Variants in KPNA4 observed in about 807,000 individuals in gnomAD.
KPNA4 encodes the protein karyopherin subunit alpha 4, also known as importin subunit alpha-3.
A neutral mutation model predicts 71.3 loss-of-function variants in KPNA4; 13 were observed. That is an observed-to-expected ratio of 0.18 (90% CI 0.12 to 0.29). KPNA4 has a LOEUF of 0.29. Ranked by LOEUF, KPNA4 falls within the 10% of genes least tolerant of loss-of-function variation. The probability of loss-of-function intolerance (pLI) is 1.00; values close to 1 mark genes in which losing one functional copy is unlikely to be tolerated. For missense variants in KPNA4, 334 were observed against 603.2 expected, an observed-to-expected ratio of 0.55 and a Z score of 4.67; for synonymous variants, 189 against 195.2, an observed-to-expected ratio of 0.97 and a Z score of 0.26.
At chr3:160,553,832 C>T (rs191066535) in intron 1 of KPNA4, among the ~76,000 whole-genome samples, 134 of 152,288 alleles carry the variant, frequency 8.8e-4, no homozygotes, top group Non-Finnish European at 1.6e-3. Flanking sequence ...GCTTTTCTTC[C>T]TCTTCAAACT....
chr3:160,542,789 TAGG>T (rs1721827442), intron 1 of KPNA4, among the ~76,000 whole-genome samples: 1 of 152,130 alleles, frequency 6.6e-6, no homozygotes, highest in South Asian at 2.1e-4. Context: ...ACATTGAGTG[TAGG>T]AGGTCAGACT....
Position 160,500,281 on chromosome 3 carries a change from A to G in KPNA4, c.*1823T>C, listed in dbSNP as rs1418244555. The G allele has an allele frequency of 3.9e-4, 59 of 152,634 alleles. No homozygotes were observed. The allele number at this position is 152,634 out of a possible 1,614,324, so 9.5% of individuals were successfully genotyped here. A position where few individuals can be genotyped will look rare whatever the true frequency, so the allele number is the denominator to read the frequency against. Reference sequence around the variant, plus strand: ...CTGCTTCTAGTTTTAAACTTTAACCATGTTTCTGATGACAAGGAATGCTGC... The same window carrying G: ...CTGCTTCTAGTTTTAAACTTTAACCGTGTTTCTGATGACAAGGAATGCTGC... On this transcript the variant is annotated 3_prime_UTR_variant, in exon 17 of 17. Coordinates refer to ENST00000334256, the MANE Select transcript of KPNA4 (RefSeq NM_002268.5).
chr3:160,565,117 A>G (rs1190510072), intron 1 of KPNA4, 97 bp downstream of exon 1: 2 of 999,248 alleles, frequency 2.0e-6, no homozygotes, highest in Non-Finnish European at 1.5e-6. Flanking sequence ...CGAGGCCTGG[A>G]GGCGGCTCCC....
In KPNA4 at chr3:160,531,507, G is replaced by C; in HGVS notation, c.338C>G (p.Ser113Cys). Residue 113 changes from serine to cysteine, a missense_variant, in exon 6 of 17, where the codon TCT becomes TGT. By Grantham distance (112) the Ser-to-Cys change is moderately radical. Transcript: ENST00000334256. The part of the protein sequence containing the change: ...RNPPIDDLIK[S>C]GILPILVHCL... The stretch of plus-strand genomic sequence containing the variant: ...ATGGACTAAAATGGGCAATATTCCA[G>C]ATTTTATTAAGTCATCAATTGGTGG... 6.3e-7 allele frequency: 1 copy of C among 1,589,528 alleles called. No individual in the cohort carries two copies.
Position 160,525,396 on chromosome 3 carries a change from T to C in KPNA4, c.771+404A>G, listed in dbSNP as rs548351014. Among the ~76,000 whole-genome samples the C allele has an allele frequency of 2.3e-3, 352 of 152,306 alleles. 2 individuals are homozygous for C. Among genetic ancestry groups the C allele is most frequent in the African/African-American group, 7.8e-3 (325 of 41,572 alleles). The stretch of plus-strand genomic sequence containing the variant: ...CAAAAATAGCACTATTTGTGTGTGC[T>C]TTCATTGGCCAAACTGTCAAAATGA... On this transcript the variant is annotated intron_variant, in intron 10 of 16. Coordinates refer to ENST00000334256, the MANE Select transcript of KPNA4 (RefSeq NM_002268.5).
At chr3:160,530,994 A>G (rs963204323) in intron 6 of KPNA4, 54 bp from the exon 7 acceptor site, 26 of 1,145,036 alleles carry the variant, frequency 2.3e-5, no homozygotes, top group Admixed American at 5.9e-5. Context: ...ATTGGGCCAA[A>G]TATCTAACCA....
intron 11 of KPNA4, among the ~76,000 whole-genome samples, chr3:160,519,033 A>T (rs1189719819): frequency 6.6e-6 from 1 of 152,186 alleles, no homozygotes; most frequent in Non-Finnish European, 1.5e-5. Flanking sequence ...GTTCTTCTTC[A>T]AGATCATTTG....
intron 1 of KPNA4, among the ~76,000 whole-genome samples, chr3:160,552,382 A>G (rs1375614405): frequency 1.3e-5 from 2 of 152,118 alleles, no homozygotes; most frequent in Non-Finnish European, 2.9e-5. Context: ...TAAAAATTCT[A>G]ATTTAGTTAC....
intron 13 of KPNA4, among the ~76,000 whole-genome samples, chr3:160,512,513 T>C (rs540053357): frequency 6.6e-6 from 1 of 152,210 alleles, no homozygotes; most frequent in African/African-American, 2.4e-5. Context: ...ATCAAACATT[T>C]ATCTTGCCTA....
At chr3:160,510,228 C>T (rs1364367044) in intron 13 of KPNA4, among the ~76,000 whole-genome samples, 9 of 152,172 alleles carry the variant, frequency 5.9e-5, no homozygotes, top group African/African-American at 2.2e-4. Flanking sequence ...ACACACAAAG[C>T]TTTTACACAC....
intron 1 of KPNA4, among the ~76,000 whole-genome samples, chr3:160,551,076 T>C (rs1431809426): frequency 6.6e-6 from 1 of 151,872 alleles, no homozygotes. Context: ...CATCAATTCT[T>C]TAAATGTTTG....
intron 16 of KPNA4, among the ~76,000 whole-genome samples, 184 bp downstream of exon 16, chr3:160,504,774 C>T (rs1455388474): frequency 6.6e-6 from 1 of 152,080 alleles, no homozygotes; most frequent in Non-Finnish European, 1.5e-5. Context: ...AGCTAATATG[C>T]CCTGAAGGGA....
At chr3:160,557,264 C>A (rs1262036615) in intron 1 of KPNA4, among the ~76,000 whole-genome samples, 1 of 152,058 alleles carries the variant, frequency 6.6e-6, no homozygotes. Context: ...TTAATACAAC[C>A]AAGCAGAGAC....
Position 160,535,676 on chromosome 3 carries a change from T to C in KPNA4, c.219A>G (p.Leu73=), listed in dbSNP as rs1721675176. 7 of 1,577,408 alleles carry C rather than the reference T, an allele frequency of 4.4e-6. No individual in the cohort carries two copies. Among genetic ancestry groups the C allele is most frequent in the Non-Finnish European group, 6.0e-6 (7 of 1,170,054 alleles). The part of the protein sequence containing the change: ...DGDYRVQNTS[L]EAIVQNASSD... ...TCCAACTTACTTGAACAATAGCTTC[T>C]AGAGAGGTATTTTGCTGGGAAAAAA... The change falls in exon 4 of 17, where the codon CTA becomes CTG. Residue 73 remains leucine (L), a synonymous_variant. Transcript: ENST00000334256.
chr3:160,502,385 T>G (rs1720901868), intron 16 of KPNA4, among the ~76,000 whole-genome samples, 183 bp from the exon 17 acceptor site: 1 of 152,052 alleles, frequency 6.6e-6, no homozygotes, highest in African/African-American at 2.4e-5. Flanking sequence ...TTTCTTTCTT[T>G]TTTGAGATGG....
chr3:160,565,036 C>G (rs1006241513), intron 1 of KPNA4, among the ~76,000 whole-genome samples, 178 bp downstream of exon 1: 33 of 151,356 alleles, frequency 2.2e-4, no homozygotes, highest in Non-Finnish European at 3.7e-4. Flanking sequence ...GGAGGCGGAG[C>G]AGGCCCGACA....
intron 1 of KPNA4, 134 bp downstream of exon 1, chr3:160,565,080 G>C (rs964053822): frequency 1.4e-6 from 1 of 702,256 alleles, no homozygotes; most frequent in African/African-American, 1.9e-5. Flanking sequence ...AGGCGTCACA[G>C]ACGGGCCGGC....
intron 11 of KPNA4, among the ~76,000 whole-genome samples, chr3:160,519,314 G>A: frequency 6.6e-6 from 1 of 152,302 alleles, no homozygotes; most frequent in East Asian, 1.9e-4. Context: ...TAAAAGAAAG[G>A]AGAAGAAAGT....
intron 11 of KPNA4, among the ~76,000 whole-genome samples, chr3:160,517,705 T>A (rs1721256684): frequency 6.6e-6 from 1 of 152,264 alleles, no homozygotes; most frequent in African/African-American, 2.4e-5. Flanking sequence ...CTTTCCTTAA[T>A]GACTAATGAT....
Sources: allele counts gnomAD v4.1 joint callset (sites outside exome capture counted in the v4.1 genomes callset), GRCh38; gene constraint gnomAD v4.1.1; transcripts MANE v1.5; gene names NCBI Gene and HGNC (gene_info 2026-07-23, HGNC 2026-07-21).